The following TTBK2 variants were observed in gnomAD, a reference collection of about 807,000 sequenced individuals.
TTBK2 encodes tau-tubulin kinase 2.
A neutral mutation model predicts 110.8 loss-of-function variants in TTBK2; 28 were observed. The ratio of observed to expected loss-of-function variants is 0.25; its 90% CI spans 0.19 to 0.35. The LOEUF (loss-of-function observed/expected upper bound fraction) is 0.35. Ranked by LOEUF, TTBK2 falls within the 10% of genes least tolerant of loss-of-function variation. The pLI is 1.00. For synonymous variants in TTBK2, 532 were observed against 527.3 expected (o/e 1.01, Z -0.12); for missense variants, 1,369 against 1,500.3 (o/e 0.91, Z 1.45).
At position 42,858,651 on chromosome 15, in the gene TTBK2, G is replaced by C. The variant is rs146300514; in HGVS notation, c.217+13960C>G. On this transcript the variant is annotated intron_variant, in intron 3 of 14. Coordinates refer to ENST00000267890, the MANE Select transcript of TTBK2 (RefSeq NM_173500.4). The stretch of plus-strand genomic sequence containing the variant: ...GTGAAAAAATCACCAACTCTTCTTA[G>C]AGCAAACTGCTGCCTCCAAAATTGG... Among the ~76,000 whole-genome samples, 333 of 152,256 alleles carry C rather than the reference G, an allele frequency of 2.2e-3. 1 individual carries two copies. Among genetic ancestry groups the C allele is most frequent in the Non-Finnish European group, 4.0e-3 (274 of 68,028 alleles).
At chr15:42,878,137 C>T (rs1426375893) in intron 2 of TTBK2, among the ~76,000 whole-genome samples, 6 of 148,502 alleles carry the variant, frequency 4.0e-5, no homozygotes, top group Admixed American at 1.3e-4. Flanking sequence ...CCACGCCCAG[C>T]TAATTTTTTT....
intron 2 of TTBK2, among the ~76,000 whole-genome samples, chr15:42,876,239 G>A (rs1012439975): frequency 6.6e-6 from 1 of 152,012 alleles, no homozygotes; most frequent in Non-Finnish European, 1.5e-5. Flanking sequence ...CCATAACAGT[G>A]AGCTTGTCAT....
intron 13 of TTBK2, among the ~76,000 whole-genome samples, chr15:42,774,398 C>A (rs1401480916): frequency 6.6e-6 from 1 of 152,166 alleles, no homozygotes; most frequent in Non-Finnish European, 1.5e-5. Context: ...GGCTCCTCCT[C>A]ACACAGTCAC....
At chr15:42,917,533 A>G (rs1294236688) in intron 1 of TTBK2, among the ~76,000 whole-genome samples, 1 of 151,986 alleles carries the variant, frequency 6.6e-6, no homozygotes, top group Non-Finnish European at 1.5e-5. Context: ...AAAAAACTGA[A>G]TTTTTTCATA....
At chr15:42,854,047 T>C (rs1893831303) in intron 3 of TTBK2, among the ~76,000 whole-genome samples, 1 of 152,072 alleles carries the variant, frequency 6.6e-6, no homozygotes, top group African/African-American at 2.4e-5. Context: ...GTGATCCTCC[T>C]ACCTTAGCCT....
At chr15:42,789,965 C>T (rs546938615) in intron 10 of TTBK2, among the ~76,000 whole-genome samples, 78 of 151,920 alleles carry the variant, frequency 5.1e-4, no homozygotes, top group African/African-American at 1.7e-3. Context: ...GCAGTGAACA[C>T]GAGAGTGCAG....
intron 3 of TTBK2, among the ~76,000 whole-genome samples, chr15:42,863,164 A>C (rs763855631): frequency 6.6e-6 from 1 of 152,160 alleles, no homozygotes; most frequent in Non-Finnish European, 1.5e-5. Flanking sequence ...CACCTAGAAC[A>C]CCCTAAAGAT....
At chr15:42,802,051 G>C (rs1273433435) in intron 9 of TTBK2, 3 of 1,467,900 alleles carry the variant, frequency 2.0e-6, no homozygotes, top group Non-Finnish European at 2.8e-6. Flanking sequence ...GCTCCACTTG[G>C]TCTCAAGCAT....
At chr15:42,765,346 T>C (rs559876617) in intron 13 of TTBK2, among the ~76,000 whole-genome samples, 21 of 152,120 alleles carry the variant, frequency 1.4e-4, no homozygotes, top group East Asian at 7.7e-4. Context: ...TTTGAACCCA[T>C]TGCAAGGAAG....
chr15:42,867,015 C>T lies in TTBK2; in HGVS notation c.217+5596G>A, dbSNP rs899152489. Among the ~76,000 whole-genome samples, 14 of 152,086 alleles carry T rather than the reference C, an allele frequency of 9.2e-5. No individual in the cohort carries two copies. In the South Asian group the frequency reaches 2.3e-3, roughly 25 times the overall value. On this transcript the variant is annotated intron_variant, in intron 3 of 14. Transcript: ENST00000267890. ...ATCCCAGCACTTTGAGAGGCCGAGG[C>T]GGGCGGATCACGAGGTCAGGAGATC...
chr15:42,815,342 C>A (rs1264232685), intron 7 of TTBK2, among the ~76,000 whole-genome samples: 1 of 151,710 alleles, frequency 6.6e-6, no homozygotes, highest in Non-Finnish European at 1.5e-5. Flanking sequence ...TGCAGCATAG[C>A]ATTTAAGACC....
chr15:42,765,689 A>C (rs1567010601), intron 13 of TTBK2, among the ~76,000 whole-genome samples: 1 of 152,166 alleles, frequency 6.6e-6, no homozygotes, highest in East Asian at 1.9e-4. Flanking sequence ...GCTGCAAAAC[A>C]CTCTGCAGGA....
chr15:42,875,551 G>A (rs1198747216), intron 2 of TTBK2, among the ~76,000 whole-genome samples: 1 of 151,888 alleles, frequency 6.6e-6, no homozygotes, highest in African/African-American at 2.4e-5. Context: ...TCTGAGGATT[G>A]CCCTTAACCA....
At chr15:42,840,675 G>A (rs879026067) in intron 3 of TTBK2, 2 of 571,340 alleles carry the variant, frequency 3.5e-6, no homozygotes, top group Non-Finnish European at 6.3e-6. Flanking sequence ...ATATATGAAT[G>A]AGGAAACAAA....
intron 1 of TTBK2, among the ~76,000 whole-genome samples, chr15:42,893,010 CAAAAAAAA>C (rs780103161): frequency 1.7e-5 from 1 of 57,720 alleles, no homozygotes; most frequent in African/African-American, 5.8e-5. Flanking sequence ...GACTCTGTCT[CAAAAAAAA>C]AAAAAAAAAG....
At chr15:42,763,081 A>AT (rs1472539817) in intron 13 of TTBK2, among the ~76,000 whole-genome samples, 4 of 115,064 alleles carry the variant, frequency 3.5e-5, no homozygotes, top group Non-Finnish European at 6.4e-5. Context: ...ACAGTTAACA[A>AT]TTTTATATAT....
intron 13 of TTBK2, among the ~76,000 whole-genome samples, chr15:42,763,177 T>TAC (rs1567008967): frequency 5.9e-4 from 12 of 20,270 alleles, no homozygotes; most frequent in African/African-American, 1.3e-3. Context: ...TATATATATA[T>TAC]ATATATATAT....
At chr15:42,886,523 C>A (rs200174308) in intron 1 of TTBK2, among the ~76,000 whole-genome samples, 3 of 151,822 alleles carry the variant, frequency 2.0e-5, no homozygotes, top group South Asian at 2.1e-4. Context: ...TAGACCCAGG[C>A]GGGCCAGAGG....
chr15:42,773,759 A>G (rs1050234671), intron 13 of TTBK2, among the ~76,000 whole-genome samples: 3 of 152,182 alleles, frequency 2.0e-5, no homozygotes, highest in Non-Finnish European at 2.9e-5. Context: ...GGGAAGGTGG[A>G]AAGAGTGGAT....
Sources: allele counts gnomAD v4.1 joint callset (sites outside exome capture counted in the v4.1 genomes callset), GRCh38; gene constraint gnomAD v4.1.1; transcripts MANE v1.5; gene names NCBI Gene and HGNC (gene_info 2026-07-23, HGNC 2026-07-21).